The following ZMYM2 variants were observed in gnomAD, a reference collection of about 807,000 sequenced individuals.
ZMYM2 encodes zinc finger MYM-type protein 2.
A neutral mutation model predicts 162.8 loss-of-function variants in ZMYM2; 56 were observed. The observed-to-expected ratio is 0.34, with a 90% CI of 0.28 to 0.43. The LOEUF is 0.43. Ranked by LOEUF, ZMYM2 falls within the 20% of genes least tolerant of loss-of-function variation. The pLI, the probability that ZMYM2 is intolerant of heterozygous loss-of-function variation, is 1.00. For synonymous variants in ZMYM2, 510 were observed against 541.6 expected, an observed-to-expected ratio of 0.94 and a Z score of 0.81; for missense variants, 1,275 against 1,621.8, an observed-to-expected ratio of 0.79 and a Z score of 3.67.
At chr13:20,083,167 A>G (rs746203771) in intron 23 of ZMYM2, 135 bp downstream of exon 23, 32 of 891,014 alleles carry the variant, frequency 3.6e-5, no homozygotes, top group Middle Eastern at 3.6e-4. Flanking sequence ...GGTTCAAGCA[A>G]TTCTCCTCCC....
the ZMYM2 span, among the ~76,000 whole-genome samples, chr13:19,875,985 A>T: frequency 6.6e-6 from 1 of 152,108 alleles, no homozygotes; most frequent in Non-Finnish European, 1.5e-5. Flanking sequence ...ATCTGAAATT[A>T]AAAATAAATA....
chr13:19,879,160 T>C, the ZMYM2 span, among the ~76,000 whole-genome samples: 2 of 152,218 alleles, frequency 1.3e-5, no homozygotes, highest in African/African-American at 4.8e-5. Context: ...GAGTTAATTT[T>C]TGTGTGTATT....
chr13:19,949,207 C>T, the ZMYM2 span, among the ~76,000 whole-genome samples: 15 of 151,852 alleles, frequency 9.9e-5, 1 homozygote, highest in East Asian at 2.0e-4. Flanking sequence ...GTCAGGAGTT[C>T]GAGACCAGCC....
At chr13:19,885,932 TACAC>T in the ZMYM2 span, among the ~76,000 whole-genome samples, 5,318 of 21,520 alleles carry the variant, frequency 0.25, 2,142 homozygotes, top group Non-Finnish European at 0.31. Context: ...TATATGTGTA[TACAC>T]ATATATATGT....
chr13:19,912,246 A>G, the ZMYM2 span, among the ~76,000 whole-genome samples: 3 of 139,560 alleles, frequency 2.1e-5, no homozygotes, highest in Non-Finnish European at 3.0e-5. Flanking sequence ...AGATACATCA[A>G]CCCTCCAGTC....
intron 2 of ZMYM2, among the ~76,000 whole-genome samples, chr13:19,984,774 T>G (rs1949000828): frequency 6.6e-6 from 1 of 152,232 alleles, no homozygotes; most frequent in Non-Finnish European, 1.5e-5. Context: ...GCTGTCATAG[T>G]TGAATGGTTA....
the ZMYM2 span, among the ~76,000 whole-genome samples, chr13:19,905,627 T>G: frequency 6.6e-6 from 1 of 152,112 alleles, no homozygotes; most frequent in Non-Finnish European, 1.5e-5. Context: ...CTAAACCTGC[T>G]TACCCTGCCT....
the ZMYM2 span, among the ~76,000 whole-genome samples, chr13:19,868,204 A>C: frequency 6.6e-6 from 1 of 152,204 alleles, no homozygotes; most frequent in Admixed American, 6.5e-5. Flanking sequence ...TCATCTCTAC[A>C]TTTTTATTTT....
chr13:19,920,028 C>T, the ZMYM2 span, among the ~76,000 whole-genome samples: 4 of 152,090 alleles, frequency 2.6e-5, no homozygotes, highest in Admixed American at 1.3e-4. Flanking sequence ...AGTCTGGTCT[C>T]GAACTCCTGG....
chr13:19,957,352 CCCAT>C (rs1954601636), upstream of ZMYM2, among the ~76,000 whole-genome samples: 1 of 152,172 alleles, frequency 6.6e-6, no homozygotes, highest in Non-Finnish European at 1.5e-5. Context: ...TGAGAAGTCG[CCCAT>C]CCATTTGGGT....
upstream of ZMYM2, among the ~76,000 whole-genome samples, chr13:19,955,564 G>C (rs1005917136): frequency 2.6e-5 from 4 of 152,226 alleles, no homozygotes; most frequent in South Asian, 2.1e-4. Context: ...CTTGGTCTTC[G>C]AAATGCAATT....
In ZMYM2 at chr13:20,046,607, G is replaced by GTGTGTA. The variant is rs781273129; in HGVS notation, c.2293-4825_2293-4824insGTGTAT. On this transcript the variant is annotated intron_variant, in intron 12 of 24. Transcript: ENST00000610343. ...TGTGTGTGTGTGTGTGTGTGTGTGT[G>GTGTGTA]TATATATATGTGTATATATATGTGT... Among the ~76,000 whole-genome samples the GTGTGTA allele has an allele frequency of 2.9e-3, 302 of 104,354 alleles. 2 individuals carry two copies. Among genetic ancestry groups the GTGTGTA allele is most frequent in the African/African-American group, 8.9e-3 (229 of 25,818 alleles). 68.5% of individuals were successfully genotyped at this position (104,354 alleles called of 152,430 possible). A position where few individuals can be genotyped will look rare whatever the true frequency, so the allele number is the denominator to read the frequency against.
the ZMYM2 span, among the ~76,000 whole-genome samples, chr13:19,908,869 A>G: frequency 2.6e-5 from 4 of 152,220 alleles, no homozygotes; most frequent in Non-Finnish European, 5.9e-5. Flanking sequence ...ATGTCAGTGA[A>G]AAGGCAAATA....
At chr13:19,911,516 G>A in the ZMYM2 span, among the ~76,000 whole-genome samples, 1 of 152,072 alleles carries the variant, frequency 6.6e-6, no homozygotes, top group African/African-American at 2.4e-5. Context: ...GCTTTTTATC[G>A]GGGTGACTAT....
In ZMYM2 at chr13:20,036,893, A is replaced by G. The variant is rs1249790242; in HGVS notation, c.2276A>G (p.Gln759Arg). 6.2e-7 allele frequency: 1 copy of G among 1,609,582 alleles called. No homozygotes were observed. The highest frequency in any genetic ancestry group is 8.5e-7 in the Non-Finnish European group (1 of 1,178,068). The change falls in exon 12 of 25, where the codon CAG becomes CGG. Residue 759 changes from glutamine to arginine, a missense_variant. This residue lies in a region of ZMYM2 where 177 missense variants were observed against 228.0 expected (regional missense o/e 0.78). Transcript: ENST00000610343. ...AGTGAAGATTGCTGTAAAAAATTTCAGGATTGGTACTACAAGGCGAGTAAC... is the reference window on the plus strand; with the variant it reads ...AGTGAAGATTGCTGTAAAAAATTTCGGGATTGGTACTACAAGGCGAGTAAC... Reference protein sequence around the residue: ...FCSEDCCKKFQDWYYKAARCD... With the variant: ...FCSEDCCKKFRDWYYKAARCD...
intron 2 of ZMYM2, among the ~76,000 whole-genome samples, chr13:19,979,428 C>CTTTTTTTTTTTTTTTTTTTTTGTT (rs71763618): frequency 9.0e-6 from 1 of 110,850 alleles, no homozygotes; most frequent in African/African-American, 3.3e-5. Context: ...TTTTTCTGCA[C>CTTTTTTTTTTTTTTTTTTTTTGTT]TTTTTTTTTT....
the ZMYM2 span, among the ~76,000 whole-genome samples, chr13:19,952,923 G>C: frequency 6.6e-6 from 1 of 152,178 alleles, no homozygotes; most frequent in East Asian, 1.9e-4. Flanking sequence ...CAAGAAGTGA[G>C]ACCTTTAAGA....
At chr13:20,033,916 A>C (rs185948276) in intron 10 of ZMYM2, among the ~76,000 whole-genome samples, 1 of 152,264 alleles carries the variant, frequency 6.6e-6, no homozygotes, top group Admixed American at 6.5e-5. Context: ...TTAGTGCCAT[A>C]ATTTTTATCT....
intron 14 of ZMYM2, among the ~76,000 whole-genome samples, chr13:20,056,618 G>A (rs756447328): frequency 2.6e-5 from 4 of 152,170 alleles, no homozygotes; most frequent in Non-Finnish European, 5.9e-5. Context: ...CCTGGGGGCA[G>A]TATAAAGCAG....
Sources: gnomAD v4.1 joint callset for allele counts (sites outside exome capture counted in the v4.1 genomes callset) on GRCh38, gnomAD v4.1.1 for gene constraint, gnomAD v4.1.1 regional missense constraint, MANE v1.5 for transcripts, NCBI Gene and HGNC (gene_info 2026-07-23, HGNC 2026-07-21) for gene names.